Variants in PRKG1 observed in about 807,000 individuals in gnomAD.
PRKG1 encodes protein kinase cGMP-dependent 1.
A neutral mutation model predicts 88.1 loss-of-function variants in PRKG1; 35 were observed. The ratio of observed to expected loss-of-function variants is 0.40; its 90% confidence interval spans 0.30 to 0.53. The LOEUF (loss-of-function observed/expected upper bound fraction) is 0.53. Ranked by LOEUF, PRKG1 falls within the 20% of genes least tolerant of loss-of-function variation. The pLI, the probability that PRKG1 is intolerant of heterozygous loss-of-function variation, is 0.59. For synonymous variants in PRKG1, 303 were observed against 292.5 expected, an observed-to-expected ratio of 1.04 and a Z score of -0.37; for missense variants, 540 against 839.8, an observed-to-expected ratio of 0.64 and a Z score of 4.41.
chr10:51,325,908 C>G (rs1468535887), intron 2 of PRKG1, among the ~76,000 whole-genome samples: 1 of 152,062 alleles, frequency 6.6e-6, no homozygotes, highest in Admixed American at 6.5e-5. Flanking sequence ...GAGACATGCA[C>G]CAGCCTGAGC....
At chr10:51,232,853 C>G (rs767333818) in intron 2 of PRKG1, among the ~76,000 whole-genome samples, 1 of 152,178 alleles carries the variant, frequency 6.6e-6, no homozygotes, top group Non-Finnish European at 1.5e-5. Flanking sequence ...CTGCACTTAT[C>G]AGGTGACCCA....
At chr10:51,790,948 C>T (rs989132667) in intron 3 of PRKG1, among the ~76,000 whole-genome samples, 1 of 152,094 alleles carries the variant, frequency 6.6e-6, no homozygotes, top group Non-Finnish European at 1.5e-5. Context: ...TGAACACTTC[C>T]TATAATGGAA....
intron 2 of PRKG1, among the ~76,000 whole-genome samples, chr10:51,433,093 T>C (rs879360666): frequency 1.3e-5 from 2 of 152,146 alleles, no homozygotes; most frequent in Non-Finnish European, 2.9e-5. Context: ...TCTTGATGCA[T>C]GTCTTCTGAA....
intron 3 of PRKG1, among the ~76,000 whole-genome samples, chr10:51,756,707 C>A (rs184571719): frequency 1.9e-4 from 28 of 150,826 alleles, no homozygotes; most frequent in African/African-American, 4.9e-4. Context: ...CTCAGCTACT[C>A]GGGAGGCCGA....
In PRKG1 at chr10:51,981,727, C is replaced by G. The variant is rs1164859371; in HGVS notation, c.763-72757C>G. Among the ~76,000 whole-genome samples, 3 of 152,056 alleles carry G rather than the reference C, an allele frequency of 2.0e-5. No individual in the cohort carries two copies. In the East Asian group the frequency reaches 5.8e-4, roughly 29 times the overall value. On this transcript the variant is annotated intron_variant, in intron 5 of 17. Coordinates refer to ENST00000373980, the MANE Select transcript of PRKG1 (RefSeq NM_006258.4). Reference sequence around the variant, plus strand: ...CTTTTGTCGCTTATCTGACATTTTTCTTTAGCTGCCTCAAGAGTTTTTTCT... The same window carrying G: ...CTTTTGTCGCTTATCTGACATTTTTGTTTAGCTGCCTCAAGAGTTTTTTCT...
At position 51,514,717 on chromosome 10, in the gene PRKG1, A is replaced by G. The variant is rs990830185; in HGVS notation, c.592+46881A>G. 3.9e-5 allele frequency among the ~76,000 whole-genome samples: 6 copies of G among 152,214 alleles called. No individual in the cohort carries two copies. The East Asian group carries it at 7.7e-4, about 20-fold the overall frequency. On this transcript the variant is annotated intron_variant, in intron 3 of 17. Coordinates refer to ENST00000373980, the MANE Select transcript of PRKG1 (RefSeq NM_006258.4). ...CTGCTTTAACAGATTTTAAATCTAG[A>G]TGAATCTGGACTGTTTCAGGAAGAG...
At chr10:51,496,319 A>G (rs547879982) in intron 3 of PRKG1, among the ~76,000 whole-genome samples, 9 of 152,132 alleles carry the variant, frequency 5.9e-5, no homozygotes, top group Non-Finnish European at 1.2e-4. Context: ...TTTACTTAGG[A>G]ACTAAATCAG....
intron 2 of PRKG1, among the ~76,000 whole-genome samples, chr10:51,184,918 G>A (rs1413393749): frequency 1.3e-5 from 2 of 152,096 alleles, no homozygotes; most frequent in Non-Finnish European, 2.9e-5. Context: ...GAAACCTAGT[G>A]ACAGCAGGTA....
At chr10:51,071,818 A>G (rs1182336126), upstream of PRKG1, among the ~76,000 whole-genome samples, 2 of 152,214 alleles carry the variant, frequency 1.3e-5, no homozygotes, top group East Asian at 1.9e-4. Context: ...GTGCTGCTCA[A>G]AAACATTAAG....
intron 2 of PRKG1, among the ~76,000 whole-genome samples, chr10:51,229,926 CAA>C (rs35300789): frequency 8.9e-5 from 3 of 33,576 alleles, no homozygotes; most frequent in South Asian, 1.4e-3. Context: ...GAGGCGATCT[CAA>C]AAAAAAAAAA....
At chr10:51,425,553 T>C (rs568060600) in intron 2 of PRKG1, among the ~76,000 whole-genome samples, 1 of 152,108 alleles carries the variant, frequency 6.6e-6, no homozygotes, top group Admixed American at 6.5e-5. Context: ...AATAGAGGAG[T>C]TGCTGCCTCC....
rs202037912 is a variant in PRKG1 at position 52,212,638 on chromosome 10, TA to T, written c.1077-38923del. Reference sequence around the variant, plus strand: ...GTAGGGGAGAGAGAGAGAGAGAGATTAAAAAAAAAGAGAAATACTAGTTACA... The same window carrying T: ...GTAGGGGAGAGAGAGAGAGAGAGATTAAAAAAAAGAGAAATACTAGTTACA... On this transcript the variant is annotated intron_variant, in intron 9 of 17. Coordinates refer to ENST00000373980, the MANE Select transcript of PRKG1 (RefSeq NM_006258.4). Among the ~76,000 whole-genome samples, 7 of 149,902 alleles carry T rather than the reference TA, an allele frequency of 4.7e-5. No individual in the cohort carries two copies. The East Asian group carries it at 9.8e-4, about 21-fold the overall frequency.
At chr10:51,057,901 G>A (rs557075843) in intron 1 of PRKG1, among the ~76,000 whole-genome samples, 4 of 152,058 alleles carry the variant, frequency 2.6e-5, no homozygotes, top group African/African-American at 9.6e-5. Flanking sequence ...CTAGATTATG[G>A]GATAGCCATA....
At chr10:51,685,161 G>A (rs1286601788) in intron 3 of PRKG1, among the ~76,000 whole-genome samples, 8 of 152,110 alleles carry the variant, frequency 5.3e-5, no homozygotes, top group Admixed American at 4.6e-4. Flanking sequence ...TGTGGATACT[G>A]TTCGACCTTA....
chr10:51,737,590 T>A (rs10762343), intron 3 of PRKG1, among the ~76,000 whole-genome samples: 27,852 of 151,940 alleles, frequency 0.18, 2,792 homozygotes, highest in African/African-American at 0.26. Flanking sequence ...TCATTGACTG[T>A]TGCTTGCCTG....
intron 5 of PRKG1, among the ~76,000 whole-genome samples, chr10:51,919,979 G>A (rs915368029): frequency 1.3e-5 from 2 of 152,104 alleles, no homozygotes; most frequent in Admixed American, 6.6e-5. Context: ...TGCTACCCGA[G>A]TGACCCAATG....
chr10:52,060,943 C>T (rs1164148615), intron 6 of PRKG1, among the ~76,000 whole-genome samples: 1 of 151,892 alleles, frequency 6.6e-6, no homozygotes, highest in African/African-American at 2.4e-5. Flanking sequence ...TAGTAAATTG[C>T]ATAATATTCA....
chr10:51,818,336 A>G (rs1240151433), intron 4 of PRKG1, among the ~76,000 whole-genome samples: 1 of 152,168 alleles, frequency 6.6e-6, no homozygotes, highest in Non-Finnish European at 1.5e-5. Flanking sequence ...TCTAACATCT[A>G]GTTAGTCTTT....
intron 9 of PRKG1, chr10:52,230,595 C>CTTCA (rs1410380848): frequency 7.2e-5 from 11 of 152,176 alleles, no homozygotes; most frequent in African/African-American, 2.7e-4. Flanking sequence ...AGAGGTTATG[C>CTTCA]TTCAGTTGTT....
Sources: gnomAD v4.1 joint callset for allele counts (sites outside exome capture counted in the v4.1 genomes callset) on GRCh38, gnomAD v4.1.1 for gene constraint, MANE v1.5 for transcripts, NCBI Gene and HGNC (gene_info 2026-07-23, HGNC 2026-07-21) for gene names.